LRBA: variants seen among roughly 807,000 people sequenced by gnomAD.
LRBA encodes the protein LPS responsive beige-like anchor protein.
In LRBA, 176 loss-of-function variants were observed where a neutral mutation model predicts 330.0. The observed-to-expected ratio is 0.53, with a 90% CI of 0.47 to 0.60. The LOEUF is 0.60. Among genes scored for constraint, LRBA ranks in the 20% least tolerant of loss-of-function variants. The pLI is 0.00. For synonymous variants in LRBA, 1,230 were observed against 1,193.0 expected, an observed-to-expected ratio of 1.03 and a Z score of -0.64; for missense variants, 3,259 against 3,444.8, an observed-to-expected ratio of 0.95 and a Z score of 1.35.
At chr4:150,488,568 T>C (rs572944680) in intron 41 of LRBA, among the ~76,000 whole-genome samples, 35 of 151,530 alleles carry the variant, frequency 2.3e-4, no homozygotes, top group Admixed American at 6.6e-4. Context: ...TTTATGAGAG[T>C]AATCTATAAA....
intron 37 of LRBA, among the ~76,000 whole-genome samples, chr4:150,639,360 T>TAAAAAAAAAAAAAAAAA (rs371245495): frequency 7.5e-5 from 8 of 106,648 alleles, no homozygotes; most frequent in Non-Finnish European, 1.1e-4. Flanking sequence ...TAAAGTATAA[T>TAAAAAAAAAAAAAAAAA]AAAAAAAAAA....
intron 30 of LRBA, among the ~76,000 whole-genome samples, chr4:150,818,942 A>G (rs1745017417): frequency 6.6e-6 from 1 of 152,078 alleles, no homozygotes; most frequent in South Asian, 2.1e-4. Context: ...ATGTCCACAA[A>G]ACATGTATAC....
rs1363426728 is a variant in LRBA, at chr4:150,806,257, G to A, written c.5518+14C>T. 30 of 1,529,188 alleles carry A rather than the reference G, an allele frequency of 2.0e-5. No individual in the cohort carries two copies. Among genetic ancestry groups the A allele is most frequent in the East Asian group, 7.2e-5 (3 of 41,686 alleles). 94.7% of individuals were successfully genotyped at this position (1,529,188 alleles called of 1,614,324 possible). A position where few individuals can be genotyped will look rare whatever the true frequency, so the allele number is the denominator to read the frequency against. The stretch of plus-strand genomic sequence containing the variant: ...TATAAATACATACAAATAAAATAAA[G>A]AAAAACCACTTACTTGTTCCTTCTA... On this transcript the variant is annotated intron_variant, in intron 33 of 56. Transcript: ENST00000651943.
chr4:150,504,242 C>T (rs772707492), intron 40 of LRBA, among the ~76,000 whole-genome samples: 33 of 152,048 alleles, frequency 2.2e-4, no homozygotes, highest in African/African-American at 3.9e-4. Flanking sequence ...ATACAGAGAA[C>T]GCCACAAAGA....
chr4:150,415,632 G>A, intron 46 of LRBA, 42 bp from the exon 47 acceptor site: 1 of 1,157,072 alleles, frequency 8.6e-7, no homozygotes, highest in Non-Finnish European at 1.3e-6. Context: ...TAAACTGTAG[G>A]ATACTGACTA....
At chr4:150,496,211 T>G (rs985783989) in intron 40 of LRBA, among the ~76,000 whole-genome samples, 11 of 152,166 alleles carry the variant, frequency 7.2e-5, no homozygotes, top group African/African-American at 2.4e-4. Context: ...TAGTATACTA[T>G]TAACACATAA....
Position 150,384,918 on chromosome 4 carries a change from G to A in LRBA, c.7194+30520C>T, listed in dbSNP as rs971657920. Among the ~76,000 whole-genome samples the A allele has an allele frequency of 3.9e-5, 6 of 151,962 alleles. No individual in the cohort carries two copies. The East Asian group carries it at 1.2e-3, about 29-fold the overall frequency. On this transcript the variant is annotated intron_variant, in intron 47 of 56. Coordinates refer to ENST00000651943, the MANE Select transcript of LRBA (RefSeq NM_001364905.1). ...TAGATTTTGTTGGCAGTTAATGATC[G>A]AGGCCTGCAGAGCACTGTTACTGTT... is the stretch of plus-strand genomic sequence containing the variant.
intron 2 of LRBA, among the ~76,000 whole-genome samples, chr4:150,984,578 A>G (rs1741219934): frequency 6.6e-6 from 1 of 152,204 alleles, no homozygotes; most frequent in Admixed American, 6.5e-5. Flanking sequence ...ATAATTTCTT[A>G]ATTGACATGC....
intron 2 of LRBA, among the ~76,000 whole-genome samples, chr4:150,969,587 C>T (rs1739294887): frequency 6.6e-6 from 1 of 152,188 alleles, no homozygotes; most frequent in African/African-American, 2.4e-5. Flanking sequence ...CCCACCTCAG[C>T]CACCCAGGTA....
chr4:150,323,550 G>T (rs2126935557), intron 49 of LRBA, among the ~76,000 whole-genome samples: 2 of 152,300 alleles, frequency 1.3e-5, no homozygotes, highest in Non-Finnish European at 2.9e-5. Context: ...AAGCCACACG[G>T]CAAGGACCAG....
At chr4:150,659,860 CA>C (rs2126813856) in intron 37 of LRBA, among the ~76,000 whole-genome samples, 1 of 102,804 alleles carries the variant, frequency 9.7e-6, no homozygotes, top group Non-Finnish European at 2.2e-5. Flanking sequence ...GTGGGGGGGT[CA>C]GCCCCCCCAC....
chr4:150,426,752 C>T (rs1272689020), intron 46 of LRBA, among the ~76,000 whole-genome samples: 2 of 151,686 alleles, frequency 1.3e-5, no homozygotes, highest in Non-Finnish European at 2.9e-5. Context: ...AATATATATG[C>T]CCACAAAAAT....
intron 44 of LRBA, among the ~76,000 whole-genome samples, chr4:150,465,721 A>T (rs899811579): frequency 6.6e-6 from 1 of 152,074 alleles, no homozygotes; most frequent in Non-Finnish European, 1.5e-5. Flanking sequence ...GTCTCTACAA[A>T]TTCTTGATAT....
intron 46 of LRBA, among the ~76,000 whole-genome samples, chr4:150,435,111 G>C (rs1302207607): frequency 6.6e-6 from 1 of 152,070 alleles, no homozygotes; most frequent in Non-Finnish European, 1.5e-5. Flanking sequence ...TTGGGAGGCT[G>C]AGGCAGGCAG....
chr4:150,986,555 G>A (rs989334613), intron 2 of LRBA, among the ~76,000 whole-genome samples: 1 of 152,142 alleles, frequency 6.6e-6, no homozygotes, highest in East Asian at 1.9e-4. Context: ...CTGGTAAGAT[G>A]GTTAAAATAA....
chr4:150,994,517 C>T lies in LRBA; in HGVS notation c.216+19910G>A, dbSNP rs576151622. ...GAAACAGTAAACAAAAAAAGTAAGT[C>T]CCTACTTTTATGGAGTGTGTATTCT... On this transcript the variant is annotated intron_variant, in intron 2 of 56. Coordinates refer to ENST00000651943, the MANE Select transcript of LRBA (RefSeq NM_001364905.1). Among the ~76,000 whole-genome samples the T allele has an allele frequency of 3.9e-5, 6 of 152,230 alleles. No homozygotes were observed. In the South Asian group the frequency reaches 6.2e-4, roughly 16 times the overall value.
intron 36 of LRBA, among the ~76,000 whole-genome samples, chr4:150,693,299 C>G (rs982364279): frequency 3.3e-5 from 5 of 152,082 alleles, no homozygotes; most frequent in African/African-American, 9.7e-5. Flanking sequence ...CGCGGTGGCT[C>G]ACGCCTGTAA....
chr4:150,437,207 AC>A (rs1012386442), intron 44 of LRBA, among the ~76,000 whole-genome samples: 2 of 152,168 alleles, frequency 1.3e-5, no homozygotes, highest in East Asian at 3.9e-4. Flanking sequence ...CTATAAAACC[AC>A]ATTTAGTTAA....
intron 35 of LRBA, among the ~76,000 whole-genome samples, chr4:150,746,507 CTTT>C (rs923454215): frequency 1.3e-4 from 18 of 136,478 alleles, no homozygotes; most frequent in Admixed American, 1.0e-3. Context: ...GTTTCTCTTA[CTTT>C]TTTTTTTTTT....
Sources: gnomAD v4.1 joint callset for allele counts (sites outside exome capture counted in the v4.1 genomes callset) on GRCh38, gnomAD v4.1.1 for gene constraint, MANE v1.5 for transcripts, NCBI Gene and HGNC (gene_info 2026-07-23, HGNC 2026-07-21) for gene names.